The following TMEM132B variants were observed in gnomAD, a reference collection of about 807,000 sequenced individuals.
TMEM132B encodes the protein transmembrane protein 132B.
Under a neutral mutation model 90.8 loss-of-function variants are expected in TMEM132B, and 18 were observed. The ratio of observed to expected loss-of-function variants is 0.20; its 90% CI spans 0.14 to 0.29. The LOEUF is 0.29. TMEM132B is among the 10% of genes least tolerant of loss of function. The pLI is 1.00. For missense variants in TMEM132B, 1,096 were observed against 1,326.8 expected (o/e 0.83, Z 2.70); for synonymous variants, 504 against 523.3 (o/e 0.96, Z 0.50).
chr12:125,558,235 T>C (rs1470323779), intron 4 of TMEM132B, among the ~76,000 whole-genome samples: 1 of 152,180 alleles, frequency 6.6e-6, no homozygotes, highest in Non-Finnish European at 1.5e-5. Flanking sequence ...TTGATGTCTG[T>C]TTGCTCTGCC....
intron 4 of TMEM132B, among the ~76,000 whole-genome samples, chr12:125,575,885 A>G (rs1884930658): frequency 6.6e-6 from 1 of 152,080 alleles, no homozygotes; most frequent in South Asian, 2.1e-4. Context: ...GAGAGAATTT[A>G]TTTCTGGAAA....
intron 2 of TMEM132B, among the ~76,000 whole-genome samples, chr12:125,373,962 T>G (rs566924184): frequency 6.6e-6 from 1 of 152,160 alleles, no homozygotes; most frequent in Non-Finnish European, 1.5e-5. Flanking sequence ...GCCTGGCTAA[T>G]TTTTCTATTT....
intron 2 of TMEM132B, among the ~76,000 whole-genome samples, chr12:125,365,520 T>A (rs1167454070): frequency 6.6e-6 from 1 of 152,146 alleles, no homozygotes; most frequent in Non-Finnish European, 1.5e-5. Flanking sequence ...TCTGGGGATC[T>A]AAGTTTTCAT....
intron 3 of TMEM132B, among the ~76,000 whole-genome samples, chr12:125,502,660 G>T (rs958862807): frequency 2.0e-5 from 3 of 152,232 alleles, no homozygotes; most frequent in Non-Finnish European, 2.9e-5. Context: ...TGATTGAATA[G>T]TTGCCTTATC....
rs180779686 is a variant in TMEM132B at position 125,562,581 on chromosome 12, A to T, written c.1294-21270A>T. 1.8e-3 allele frequency among the ~76,000 whole-genome samples: 280 copies of T among 152,306 alleles called. 1 individual carries two copies. Among genetic ancestry groups the T allele is most frequent in the African/African-American group, 6.3e-3 (262 of 41,542 alleles). ...CCGTTCACTTAAACACTTAGAGGCC[A>T]TTGTAGGTGATATGGTTTGGCTGTG... On this transcript the variant is annotated intron_variant, in intron 4 of 8. Transcript: ENST00000682704.
chr12:125,432,865 G>A (rs751258897), intron 3 of TMEM132B, among the ~76,000 whole-genome samples: 1 of 152,068 alleles, frequency 6.6e-6, no homozygotes, highest in Non-Finnish European at 1.5e-5. Flanking sequence ...TCTGCTATGT[G>A]AGAATGTTTT....
chr12:125,512,689 C>T (rs551810589), intron 3 of TMEM132B, among the ~76,000 whole-genome samples: 1 of 152,180 alleles, frequency 6.6e-6, no homozygotes, highest in East Asian at 1.9e-4. Context: ...CCTTTGACTG[C>T]CAACCGCTGC....
chr12:125,340,211 G>T (rs370577739), intron 1 of TMEM132B, among the ~76,000 whole-genome samples: 7 of 152,180 alleles, frequency 4.6e-5, no homozygotes, highest in African/African-American at 7.2e-5. Context: ...GTGTAAGTGG[G>T]TGTTAGTGAA....
At chr12:125,635,796 A>G (rs1193336527) in intron 5 of TMEM132B, among the ~76,000 whole-genome samples, 1 of 152,188 alleles carries the variant, frequency 6.6e-6, no homozygotes, top group Non-Finnish European at 1.5e-5. Flanking sequence ...CATCCTCTCC[A>G]GCATCTGTTG....
intron 1 of TMEM132B, among the ~76,000 whole-genome samples, chr12:125,292,487 A>C (rs1292836710): frequency 2.6e-5 from 4 of 152,268 alleles, no homozygotes; most frequent in African/African-American, 9.6e-5. Context: ...ATAATGAGAC[A>C]ATGTAGCAGC....
intron 1 of TMEM132B, among the ~76,000 whole-genome samples, chr12:125,282,918 A>ATATCTTTCT (rs1350266035): frequency 6.6e-6 from 1 of 151,922 alleles, no homozygotes; most frequent in African/African-American, 2.4e-5. Flanking sequence ...TGTGGTCCTT[A>ATATCTTTCT]TATCTTTCTT....
intron 5 of TMEM132B, among the ~76,000 whole-genome samples, chr12:125,625,130 CTTTTTTTT>C (rs1169262449): frequency 9.6e-6 from 1 of 103,910 alleles, no homozygotes; most frequent in African/African-American, 3.9e-5. Flanking sequence ...GATTTGACTT[CTTTTTTTT>C]TTTTTTTTTT....
intron 4 of TMEM132B, among the ~76,000 whole-genome samples, chr12:125,523,091 G>C (rs1325726373): frequency 6.6e-6 from 1 of 152,160 alleles, no homozygotes; most frequent in Non-Finnish European, 1.5e-5. Context: ...AAATGGTTAT[G>C]CCTACCATCA....
intron 1 of TMEM132B, among the ~76,000 whole-genome samples, chr12:125,192,192 T>C (rs1223557791): frequency 6.6e-6 from 1 of 152,236 alleles, no homozygotes; most frequent in African/African-American, 2.4e-5. Context: ...TAGGGACTTC[T>C]GTTTGTCCCA....
chr12:125,472,140 A>T (rs1202706896), intron 3 of TMEM132B, among the ~76,000 whole-genome samples: 1 of 152,196 alleles, frequency 6.6e-6, no homozygotes, highest in Non-Finnish European at 1.5e-5. Flanking sequence ...CTTGGGAAGC[A>T]AATTGAGGCT....
intron 3 of TMEM132B, among the ~76,000 whole-genome samples, chr12:125,432,511 G>GTATATA (rs746916124): frequency 0.44 from 8,186 of 18,486 alleles, 2,924 homozygotes; most frequent in Non-Finnish European, 0.52. Flanking sequence ...ATGTGTGTGT[G>GTATATA]TATATATATA....
intron 1 of TMEM132B, among the ~76,000 whole-genome samples, chr12:125,189,883 T>C (rs1571884): frequency 0.78 from 119,227 of 152,104 alleles, 47,044 homozygotes; most frequent in African/African-American, 0.84. Context: ...CAGCTCTATG[T>C]GGCTGGGTGG....
At chr12:125,541,950 G>A (rs139635647) in intron 4 of TMEM132B, among the ~76,000 whole-genome samples, 1,877 of 150,362 alleles carry the variant, frequency 0.012, 31 homozygotes, top group African/African-American at 0.041. Context: ...GCGTGAACCC[G>A]GTAGGCGGAG....
chr12:125,278,083 C>G (rs1322967222), intron 1 of TMEM132B, among the ~76,000 whole-genome samples: 1 of 152,216 alleles, frequency 6.6e-6, no homozygotes, highest in African/African-American at 2.4e-5. Flanking sequence ...TGGAAAGAGC[C>G]TATCTCTGGC....
Sources: allele counts gnomAD v4.1 joint callset (sites outside exome capture counted in the v4.1 genomes callset), GRCh38; gene constraint gnomAD v4.1.1; transcripts MANE v1.5; gene names NCBI Gene and HGNC (gene_info 2026-07-23, HGNC 2026-07-21).